Variants in SSBP3 observed in about 807,000 individuals in gnomAD.
SSBP3 encodes the protein single-stranded DNA-binding protein 3.
A neutral mutation model predicts 69.6 loss-of-function variants in SSBP3; 5 were observed. The observed-to-expected ratio is 0.07, with a 90% CI of 0.04 to 0.15. The LOEUF (loss-of-function observed/expected upper bound fraction) is 0.15. SSBP3 is among the 10% of genes least tolerant of loss of function. The pLI, the probability that SSBP3 is intolerant of heterozygous loss-of-function variation, is 1.00. For missense variants in SSBP3, 312 were observed against 534.0 expected, an observed-to-expected ratio of 0.58 and a Z score of 4.10; for synonymous variants, 196 against 193.4, an observed-to-expected ratio of 1.01 and a Z score of -0.11.
rs76221373 is a variant in SSBP3 at position 54,380,180 on chromosome 1, G to T, written c.276+21681C>A. Among the ~76,000 whole-genome samples, 715 of 152,326 alleles carry T rather than the reference G, an allele frequency of 4.7e-3. 6 individuals are homozygous for T. Among genetic ancestry groups the T allele is most frequent in the African/African-American group, 0.016 (670 of 41,556 alleles). On this transcript the variant is annotated intron_variant, in intron 4 of 17. Transcript: ENST00000610401. ...GGCCTCGGCTCCCACACCAGGTCAT[G>T]GGCAGACCCTCCCCGCAGAGCAGCG... is the stretch of plus-strand genomic sequence containing the variant.
At chr1:54,275,582 T>C (rs578195776) in intron 5 of SSBP3, among the ~76,000 whole-genome samples, 1 of 152,338 alleles carries the variant, frequency 6.6e-6, no homozygotes, top group East Asian at 1.9e-4. Context: ...TGACCCTCCC[T>C]GTGAACACAT....
At chr1:54,276,565 C>A (rs941846017) in intron 5 of SSBP3, among the ~76,000 whole-genome samples, 1 of 137,376 alleles carries the variant, frequency 7.3e-6, no homozygotes, top group Non-Finnish European at 1.5e-5. Context: ...GAGCCGAGAT[C>A]GCCACTGCCC....
exon 14 of SSBP3, chr1:54,239,180 G>A (rs1390403649): frequency 6.2e-7 from 1 of 1,613,452 alleles, no homozygotes; most frequent in Non-Finnish European, 8.5e-7. Flanking sequence ...TGTAGATGTT[G>A]TCACTGGAAT....
intron 5 of SSBP3, among the ~76,000 whole-genome samples, chr1:54,276,623 A>G (rs1645293390): frequency 6.6e-6 from 1 of 150,676 alleles, no homozygotes; most frequent in Non-Finnish European, 1.5e-5. Context: ...AAAAAAAAAA[A>G]AAAAAAAAAA....
rs756452193 is a variant in SSBP3 at position 54,227,169 on chromosome 1, GAGA to G, written c.1138-12_1138-10del. On this transcript the variant is annotated splice_polypyrimidine_tract_variant and intron_variant, in intron 17 of 17. Coordinates refer to ENST00000610401, the Ensembl canonical transcript of SSBP3. The stretch of plus-strand genomic sequence containing the variant: ...GTCATGCTTGGAGAATACTGGAAAG[GAGA>G]AGCAGAGAAGGGGGGGGGGTGAGGA... 2 of 866,456 alleles carry G rather than the reference GAGA, an allele frequency of 2.3e-6. No homozygotes were observed. The highest frequency in any genetic ancestry group is 2.7e-5 in the South Asian group (2 of 74,746). 53.7% of individuals were successfully genotyped at this position (866,456 alleles called of 1,614,324 possible).
intron 4 of SSBP3, among the ~76,000 whole-genome samples, chr1:54,294,871 A>G (rs918066045): frequency 2.0e-5 from 3 of 152,208 alleles, no homozygotes; most frequent in African/African-American, 7.2e-5. Flanking sequence ...GGGCTTGGAC[A>G]AAAGCTGAGA....
chr1:54,237,930 A>G, intron 14 of SSBP3: 3 of 360,460 alleles, frequency 8.3e-6, no homozygotes, highest in Non-Finnish European at 1.7e-5. Context: ...TGACCACTCG[A>G]GGCAGATCAT....
rs141516563 is a variant in SSBP3, at chr1:54,227,186, G to GC, written c.1138-27_1138-26insG. ...CTGGAAAGGAGAAGCAGAGAAGGGG[G>GC]GGGGGTGAGGATTGTGGGGAGGCCG... On this transcript the variant is annotated intron_variant, in intron 17 of 17. Coordinates refer to ENST00000610401, the Ensembl canonical transcript of SSBP3. 7.9e-6 allele frequency: 9 copies of GC among 1,143,782 alleles called. 1 individual carries two copies. The highest frequency in any genetic ancestry group is 9.0e-6 in the Non-Finnish European group (7 of 777,102). 70.9% of individuals were successfully genotyped at this position (1,143,782 alleles called of 1,614,324 possible).
intron 4 of SSBP3, among the ~76,000 whole-genome samples, chr1:54,357,849 C>T (rs1646892826): frequency 6.6e-6 from 1 of 152,224 alleles, no homozygotes; most frequent in Non-Finnish European, 1.5e-5. Context: ...ACCTGCCTCC[C>T]AGTCTTTCCA....
At chr1:54,235,107 T>C (rs192381685) in intron 14 of SSBP3, among the ~76,000 whole-genome samples, 20 of 152,228 alleles carry the variant, frequency 1.3e-4, no homozygotes, top group Admixed American at 3.3e-4. Flanking sequence ...TACCTCCGGT[T>C]TTACTTATAA....
At chr1:54,289,960 G>T (rs949596074) in intron 4 of SSBP3, among the ~76,000 whole-genome samples, 5 of 152,098 alleles carry the variant, frequency 3.3e-5, no homozygotes, top group Admixed American at 2.6e-4. Flanking sequence ...GGCTCATCCA[G>T]TCTCTCTCCC....
At chr1:54,355,232 C>T (rs962967958) in intron 4 of SSBP3, among the ~76,000 whole-genome samples, 2 of 152,236 alleles carry the variant, frequency 1.3e-5, no homozygotes, top group Non-Finnish European at 2.9e-5. Context: ...GGGCACACAG[C>T]AGACATGAGG....
chr1:54,404,521 G>C, intron 3 of SSBP3, 55 bp downstream of exon 3: 2 of 1,599,498 alleles, frequency 1.3e-6, no homozygotes, highest in Non-Finnish European at 1.7e-6. Flanking sequence ...TGTTCACTTG[G>C]ACCCAGGGCT....
chr1:54,343,902 T>C (rs1237568455), intron 4 of SSBP3, among the ~76,000 whole-genome samples: 1 of 152,202 alleles, frequency 6.6e-6, no homozygotes, highest in Non-Finnish European at 1.5e-5. Context: ...AGCAGGGAAG[T>C]GTGTTAACAC....
intron 14 of SSBP3, 159 bp downstream of exon 14, chr1:54,238,970 T>A: frequency 3.8e-5 from 15 of 395,724 alleles, no homozygotes; most frequent in Non-Finnish European, 6.5e-5. Context: ...AAATGGGAAC[T>A]GAGTTGCCCA....
chr1:54,244,279 T>G (rs556910275), intron 9 of SSBP3, among the ~76,000 whole-genome samples: 2 of 152,120 alleles, frequency 1.3e-5, no homozygotes, highest in East Asian at 1.9e-4. Flanking sequence ...GATATTTGTA[T>G]TTTTAGTAGA....
chr1:54,251,488 C>T (rs972078417), intron 9 of SSBP3, 128 bp downstream of exon 9: 41 of 1,025,168 alleles, frequency 4.0e-5, no homozygotes, highest in Middle Eastern at 3.0e-4. Flanking sequence ...GCAGGGGATG[C>T]GGCCATGCCC....
intron 5 of SSBP3, among the ~76,000 whole-genome samples, chr1:54,276,047 C>T (rs1645277885): frequency 6.6e-6 from 1 of 152,204 alleles, no homozygotes. Flanking sequence ...GGGACCTCAA[C>T]ATCTTTCTAA....
chr1:54,371,882 G>GGGAA (rs533424942), intron 4 of SSBP3, among the ~76,000 whole-genome samples: 146 of 152,224 alleles, frequency 9.6e-4, no homozygotes, highest in African/African-American at 3.4e-3. Flanking sequence ...CAGGAACCGA[G>GGGAA]GGAAGGGCCT....
Sources: gnomAD v4.1 joint callset for allele counts (sites outside exome capture counted in the v4.1 genomes callset) on GRCh38, gnomAD v4.1.1 for gene constraint, MANE v1.5 for transcripts, NCBI Gene and HGNC (gene_info 2026-07-23, HGNC 2026-07-21) for gene names.